SSTR2: variants seen among roughly 807,000 people sequenced by gnomAD.
SSTR2 encodes the protein somatostatin receptor type 2.
Under a neutral mutation model 21.4 loss-of-function variants are expected in SSTR2, and 10 were observed. The observed-to-expected ratio is 0.47, with a 90% confidence interval of 0.29 to 0.79. The LOEUF (loss-of-function observed/expected upper bound fraction) is 0.79, where lower values mean the gene tolerates loss of function less well. Ranked by LOEUF, SSTR2 falls within the 30% of genes least tolerant of loss-of-function variation. The probability of loss-of-function intolerance (pLI) is 0.10; values close to 1 mark genes in which losing one functional copy is unlikely to be tolerated. For missense variants in SSTR2, 364 were observed against 468.8 expected (o/e 0.78, Z 2.06); for synonymous variants, 177 against 181.3 (o/e 0.98, Z 0.19).
rs2061241329 is a variant in SSTR2 at position 73,173,533 on chromosome 17, G to T, written c.*3104G>T. The stretch of plus-strand genomic sequence containing the variant: ...AGAGAATCAACATGCTAATTTAAAG[G>T]TTAACATCATTTTAATTCAAAAATT... On this transcript the variant is annotated 3_prime_UTR_variant, in exon 2 of 2. Coordinates refer to ENST00000357585, the MANE Select transcript of SSTR2 (RefSeq NM_001050.3). The T allele has an allele frequency of 6.6e-6, 1 of 152,168 alleles. No homozygotes were observed. The highest frequency in any genetic ancestry group is 2.4e-5 in the African/African-American group (1 of 41,440). The allele number at this position is 152,168 out of a possible 1,614,324, so 9.4% of individuals were successfully genotyped here.
At chr17:73,165,432 C>G (rs909570672) in intron 1 of SSTR2, 144 bp downstream of exon 1, 1 of 152,186 alleles carries the variant, frequency 6.6e-6, no homozygotes, top group African/African-American at 2.4e-5. Flanking sequence ...GCTTAGGTCC[C>G]GGTGCGTGAT....
intron 1 of SSTR2, among the ~76,000 whole-genome samples, chr17:73,167,195 G>A (rs2061219117): frequency 6.6e-6 from 1 of 152,196 alleles, no homozygotes; most frequent in Non-Finnish European, 1.5e-5. Flanking sequence ...TTTCTGTACA[G>A]CTTCTGTTTT....
chr17:73,166,012 T>C (rs1310277690), intron 1 of SSTR2, among the ~76,000 whole-genome samples: 3 of 149,100 alleles, frequency 2.0e-5, no homozygotes, highest in Admixed American at 1.3e-4. Flanking sequence ...CAATCTCCGC[T>C]CTTGCCTCGT....
In SSTR2 at chr17:73,169,568, C is replaced by G. The variant is rs1217493094; in HGVS notation, c.249C>G (p.Leu83=). 1 of 1,614,300 alleles carries G rather than the reference C, an allele frequency of 6.2e-7. No homozygotes were observed. Among genetic ancestry groups the G allele is most frequent in the Non-Finnish European group, 8.5e-7 (1 of 1,180,054 alleles). ...AGACCATCACCAACATTTACATCCT[C>G]AACCTGGCCATCGCAGATGAGCTCT... is the stretch of plus-strand genomic sequence containing the variant. ...KMKTITNIYI[L]NLAIADELFM... is the part of the protein sequence containing the mutation. Residue 83 remains leucine (L), a synonymous_variant, in exon 2 of 2, where the codon CTC becomes CTG. Coordinates refer to ENST00000357585, the MANE Select transcript of SSTR2 (RefSeq NM_001050.3). This position sits in a 1 kb window ranked among gnomAD's most constrained non-coding sequence, Gnocchi z 5.2.
chr17:73,168,309 T>C (rs1010671383), intron 1 of SSTR2, among the ~76,000 whole-genome samples: 1 of 152,252 alleles, frequency 6.6e-6, no homozygotes, highest in Non-Finnish European at 1.5e-5. Context: ...CCACACCTGC[T>C]TCCCGTTTTT....
At position 73,169,430 on chromosome 17, in the gene SSTR2, C is replaced by T; in HGVS notation, c.111C>T (p.Tyr37=). The part of the protein sequence containing the change: ...STNTSNQTEP[Y]YDLTSNAVLT... ...ACACCTCAAACCAGACAGAGCCGTA[C>T]TATGACCTGACAAGCAATGCAGTCC... Residue 37 remains tyrosine, a synonymous_variant, in exon 2 of 2, where the codon TAC becomes TAT. Transcript: ENST00000357585. The surrounding 1 kb of genome is among the most constrained non-coding windows in gnomAD (Gnocchi z 5.2). 6.2e-7 allele frequency: 1 copy of T among 1,614,282 alleles called. No individual in the cohort carries two copies. The highest frequency in any genetic ancestry group is 8.5e-7 in the Non-Finnish European group (1 of 1,180,048).
chr17:73,167,735 A>G (rs1339721324), intron 1 of SSTR2, among the ~76,000 whole-genome samples: 1 of 152,134 alleles, frequency 6.6e-6, no homozygotes, highest in Non-Finnish European at 1.5e-5. Context: ...TGCCCACCCT[A>G]TATGAGCTGG....
In SSTR2 at chr17:73,169,005, G is replaced by A. The variant is rs566787537; in HGVS notation, c.-92-223G>A. Among the ~76,000 whole-genome samples, 9 of 152,324 alleles carry A rather than the reference G, an allele frequency of 5.9e-5. No individual in the cohort carries two copies. The South Asian group carries it at 6.2e-4, about 11-fold the overall frequency. The stretch of plus-strand genomic sequence containing the variant: ...AGCCACAGCCCTCCCCGACATGTGC[G>A]TCAGCAGATGATGGCTGAACCCAAA... On this transcript the variant is annotated intron_variant, in intron 1 of 1. Transcript: ENST00000357585. This position sits in a 1 kb window ranked among gnomAD's most constrained non-coding sequence, Gnocchi z 5.2.
In SSTR2 at chr17:73,172,388, A is replaced by G. The variant is rs2061238329; in HGVS notation, c.*1959A>G. 6.6e-6 allele frequency: 1 copy of G among 152,214 alleles called. No individual in the cohort carries two copies. Among genetic ancestry groups the G allele is most frequent in the African/African-American group, 2.4e-5 (1 of 41,448 alleles). The allele number at this position is 152,214 out of a possible 1,614,324, so 9.4% of individuals were successfully genotyped here. On this transcript the variant is annotated 3_prime_UTR_variant, in exon 2 of 2. Coordinates refer to ENST00000357585, the MANE Select transcript of SSTR2 (RefSeq NM_001050.3). ...CAGCATCTCACACATAGATGTTACC[A>G]TATTTTTAAATGAGCTTTCCTCATC...
chr17:73,166,853 G>A (rs2061218066), intron 1 of SSTR2, among the ~76,000 whole-genome samples: 1 of 152,056 alleles, frequency 6.6e-6, no homozygotes, highest in African/African-American at 2.4e-5. Flanking sequence ...AAGCAATTCT[G>A]TCCTGTTGAC....
Position 73,169,302 on chromosome 17 carries a change from TAA to T in SSTR2, c.-17_-16del. 6.2e-7 allele frequency: 1 copy of T among 1,606,940 alleles called. No individual in the cohort carries two copies. Among genetic ancestry groups the T allele is most frequent in the South Asian group, 1.1e-5 (1 of 90,144 alleles). On this transcript the variant is annotated 5_prime_UTR_variant, in exon 2 of 2. Coordinates refer to ENST00000357585, the MANE Select transcript of SSTR2 (RefSeq NM_001050.3). This position sits in a 1 kb window ranked among gnomAD's most constrained non-coding sequence, Gnocchi z 5.2. ...ATCTCTGGGCTGGCTGGAACTAGCC[TAA>T]GACTGAAAAGCAGCCATGGACATGG...
At position 73,169,339 on chromosome 17, in the gene SSTR2, C is replaced by T. The variant is rs1379008750; in HGVS notation, c.20C>T (p.Pro7Leu). 23 of 1,612,954 alleles carry T rather than the reference C, an allele frequency of 1.4e-5. No individual in the cohort carries two copies. Among genetic ancestry groups the T allele is most frequent in the Non-Finnish European group, 1.9e-5 (22 of 1,179,604 alleles). Reference protein sequence around the residue: MDMADEPLNGSHTWLSI... With the variant: MDMADELLNGSHTWLSI... ...GCAGCCATGGACATGGCGGATGAGC[C>T]ACTCAATGGAAGCCACACATGGCTA... is the stretch of plus-strand genomic sequence containing the variant. The change falls in exon 2 of 2, where the codon CCA becomes CTA. Residue 7 changes from proline (P) to leucine (L), a missense_variant. This residue lies in a region of SSTR2 where 75 missense variants were observed against 75.4 expected (regional missense o/e 0.99). Coordinates refer to ENST00000357585, the MANE Select transcript of SSTR2 (RefSeq NM_001050.3). The surrounding 1 kb of genome is among the most constrained non-coding windows in gnomAD (Gnocchi z 5.2).
Position 73,170,762 on chromosome 17 carries a change from A to G in SSTR2, c.*333A>G, listed in dbSNP as rs1222425850. On this transcript the variant is annotated 3_prime_UTR_variant, in exon 2 of 2. Transcript: ENST00000357585. ...TGTGTGTTTGTGTATTGAAAACTCA[A>G]TATGTAATCTTGTGTTTTTATATGT... 1 of 507,596 alleles carries G rather than the reference A, an allele frequency of 2.0e-6. No homozygotes were observed. The highest frequency in any genetic ancestry group is 1.9e-5 in the African/African-American group (1 of 51,442). 31.4% of individuals were successfully genotyped at this position (507,596 alleles called of 1,614,324 possible).
At chr17:73,166,151 C>T (rs1485382453) in intron 1 of SSTR2, among the ~76,000 whole-genome samples, 1 of 152,252 alleles carries the variant, frequency 6.6e-6, no homozygotes, top group Non-Finnish European at 1.5e-5. Context: ...ACTCGCCCCT[C>T]CATTTCTCAA....
Position 73,169,431 on chromosome 17 carries a change from T to C in SSTR2, c.112T>C (p.Tyr38His), listed in dbSNP as rs2061226360. The change falls in exon 2 of 2, where the codon TAT (tyrosine) becomes CAT (histidine). Residue 38 changes from tyrosine to histidine, a missense_variant. By Grantham distance (83) the Tyr-to-His change is moderately conservative. Transcript: ENST00000357585. The surrounding 1 kb of genome is among the most constrained non-coding windows in gnomAD (Gnocchi z 5.2). ...TNTSNQTEPY[Y>H]DLTSNAVLTF... Reference sequence around the variant, plus strand: ...CACCTCAAACCAGACAGAGCCGTACTATGACCTGACAAGCAATGCAGTCCT... The same window carrying C: ...CACCTCAAACCAGACAGAGCCGTACCATGACCTGACAAGCAATGCAGTCCT... 1 of 1,614,298 alleles carries C rather than the reference T, an allele frequency of 6.2e-7. No homozygotes were observed. Among genetic ancestry groups the C allele is most frequent in the Non-Finnish European group, 8.5e-7 (1 of 1,180,054 alleles).
chr17:73,166,449 G>A (rs2061216692), intron 1 of SSTR2, among the ~76,000 whole-genome samples: 1 of 150,706 alleles, frequency 6.6e-6, no homozygotes, highest in Non-Finnish European at 1.5e-5. Context: ...TAAAAGGGGG[G>A]CGGGGGGGGC....
rs1274745705 is a variant in SSTR2, at chr17:73,173,569, T to G, written c.*3140T>G. On this transcript the variant is annotated 3_prime_UTR_variant, in exon 2 of 2. Coordinates refer to ENST00000357585, the MANE Select transcript of SSTR2 (RefSeq NM_001050.3). ...TTTAATTCAAAAATTTTAGTCTCCATTCCATATTTAATGATGAAGACAAAT... is the reference window on the plus strand; with the variant it reads ...TTTAATTCAAAAATTTTAGTCTCCAGTCCATATTTAATGATGAAGACAAAT... 6.6e-6 allele frequency: 1 copy of G among 152,184 alleles called. No individual in the cohort carries two copies. Among genetic ancestry groups the G allele is most frequent in the Non-Finnish European group, 1.5e-5 (1 of 68,030 alleles). 9.4% of individuals were successfully genotyped at this position (152,184 alleles called of 1,614,324 possible).
chr17:73,165,474 A>C (rs181791611), intron 1 of SSTR2, among the ~76,000 whole-genome samples, 186 bp downstream of exon 1: 96 of 152,084 alleles, frequency 6.3e-4, no homozygotes, highest in African/African-American at 2.2e-3. Context: ...GGGTGATTGT[A>C]GTAGGAATGA....
rs867991025 is a variant in SSTR2 at position 73,173,060 on chromosome 17, C to G, written c.*2631C>G. 2 of 152,170 alleles carry G rather than the reference C, an allele frequency of 1.3e-5. No individual in the cohort carries two copies. The highest frequency in any genetic ancestry group is 4.8e-5 in the African/African-American group (2 of 41,426). The allele number at this position is 152,170 out of a possible 1,614,324, so 9.4% of individuals were successfully genotyped here. On this transcript the variant is annotated 3_prime_UTR_variant, in exon 2 of 2. Coordinates refer to ENST00000357585, the MANE Select transcript of SSTR2 (RefSeq NM_001050.3). ...TCTACTAAAAATACAAAAAATTACC[C>G]AGGCATGGTGGCGGGCGCCTGTAAT...
Sources: allele counts gnomAD v4.1 joint callset (sites outside exome capture counted in the v4.1 genomes callset), GRCh38; gene constraint gnomAD v4.1.1; regional missense constraint gnomAD v4.1.1; non-coding constraint Gnocchi (gnomAD v3.1); transcripts MANE v1.5; gene names NCBI Gene and HGNC (gene_info 2026-07-23, HGNC 2026-07-21).